TBC1D1: variants seen among roughly 807,000 people sequenced by gnomAD.
TBC1D1 encodes TBC1 (tre-2/USP6, BUB2, cdc16) domain family, member 1.
In TBC1D1, 89 loss-of-function variants were observed where a neutral mutation model predicts 125.6. The ratio of observed to expected loss-of-function variants is 0.71; its 90% CI spans 0.60 to 0.85. The LOEUF (loss-of-function observed/expected upper bound fraction) is 0.85, where lower values mean the gene tolerates loss of function less well. Ranked by LOEUF, TBC1D1 falls within the 40% of genes least tolerant of loss-of-function variation. The pLI, the probability that TBC1D1 is intolerant of heterozygous loss-of-function variation, is 0.00. For synonymous variants in TBC1D1, 565 were observed against 564.1 expected (o/e 1.00, Z -0.02); for missense variants, 1,377 against 1,469.2 (o/e 0.94, Z 1.03).
intron 6 of TBC1D1, among the ~76,000 whole-genome samples, chr4:38,024,760 T>G (rs1340471741): frequency 6.6e-6 from 1 of 152,230 alleles, no homozygotes; most frequent in Non-Finnish European, 1.5e-5. Flanking sequence ...TAAAACTCAT[T>G]GTATGTTGGT....
chr4:37,919,344 T>G lies in TBC1D1; in HGVS notation c.417+16832T>G, dbSNP rs546992624. On this transcript the variant is annotated intron_variant, in intron 2 of 19. Coordinates refer to ENST00000261439, the MANE Select transcript of TBC1D1 (RefSeq NM_015173.4). ...ATGCCTAGCTGGTTTGTTTTTGTTTTTTTTTTTTTTTGGTATTTTTAATAT... is the reference window on the plus strand; with the variant it reads ...ATGCCTAGCTGGTTTGTTTTTGTTTGTTTTTTTTTTTGGTATTTTTAATAT... Among the ~76,000 whole-genome samples the G allele has an allele frequency of 5.3e-5, 8 of 151,414 alleles. No homozygotes were observed. The East Asian group carries it at 1.6e-3, about 29-fold the overall frequency.
intron 2 of TBC1D1, among the ~76,000 whole-genome samples, chr4:37,985,294 T>G (rs540881242): frequency 6.6e-5 from 10 of 152,338 alleles, no homozygotes; most frequent in Admixed American, 2.6e-4. Context: ...AGTATCTGGT[T>G]TTTCCATTTT....
chr4:37,925,317 C>T (rs1408646532), intron 2 of TBC1D1, among the ~76,000 whole-genome samples: 1 of 152,170 alleles, frequency 6.6e-6, no homozygotes, highest in African/African-American at 2.4e-5. Context: ...AAGCCAGTGA[C>T]CAATTTTACC....
chr4:37,913,621 A>ATG (rs1334829160), intron 2 of TBC1D1, among the ~76,000 whole-genome samples: 7 of 150,144 alleles, frequency 4.7e-5, no homozygotes, highest in African/African-American at 1.5e-4. Flanking sequence ...ATATATATAT[A>ATG]TGTGTGTATA....
At chr4:37,993,646 A>G (rs1029998870) in intron 2 of TBC1D1, among the ~76,000 whole-genome samples, 15 of 152,110 alleles carry the variant, frequency 9.9e-5, no homozygotes, top group African/African-American at 2.4e-4. Flanking sequence ...CAGTGGCGCA[A>G]TCTCAACTCA....
intron 19 of TBC1D1, among the ~76,000 whole-genome samples, 169 bp downstream of exon 21, chr4:38,133,426 A>G (rs1274338348): frequency 1.3e-5 from 2 of 152,182 alleles, no homozygotes; most frequent in African/African-American, 4.8e-5. Context: ...CCTTTTTATT[A>G]TGGAGCAGAC....
chr4:37,981,453 G>A (rs745978150), intron 2 of TBC1D1, among the ~76,000 whole-genome samples: 1 of 152,146 alleles, frequency 6.6e-6, no homozygotes, highest in African/African-American at 2.4e-5. Context: ...TTTAGCAACC[G>A]ACAAGCAGAC....
intron 12 of TBC1D1, among the ~76,000 whole-genome samples, chr4:38,079,292 A>G (rs1464111079): frequency 6.6e-6 from 1 of 152,192 alleles, no homozygotes; most frequent in Non-Finnish European, 1.5e-5. Flanking sequence ...TTATTGCTGT[A>G]ATAGTGTAGG....
intron 2 of TBC1D1, among the ~76,000 whole-genome samples, chr4:37,968,722 C>A (rs150067466): frequency 6.6e-6 from 1 of 152,080 alleles, no homozygotes; most frequent in Non-Finnish European, 1.5e-5. Context: ...ATCTTGAATC[C>A]GGCATGATTT....
chr4:38,070,174 A>G (rs1009280383), intron 12 of TBC1D1, among the ~76,000 whole-genome samples: 9 of 152,244 alleles, frequency 5.9e-5, no homozygotes, highest in African/African-American at 2.2e-4. Context: ...ATCTAAAAGT[A>G]GGTGAAATTG....
At position 38,137,201 on chromosome 4, in the gene TBC1D1, C is replaced by A; in HGVS notation, c.3373C>A (p.Leu1125Met). 6.2e-7 allele frequency: 1 copy of A among 1,613,176 alleles called. No homozygotes were observed. ...GAAGCTCCTGAGCAGTGAGAGCAAGCTGAAGCAGGCCATGCTTACCTTAGA... is the reference window on the plus strand; with the variant it reads ...GAAGCTCCTGAGCAGTGAGAGCAAGATGAAGCAGGCCATGCTTACCTTAGA... The change falls in exon 20 of 20, where the codon CTG becomes ATG. Residue 1125 changes from leucine (L) to methionine (M), a missense_variant. Physicochemically the swap from Leu to Met is conservative, Grantham distance 15. This residue lies in a region of TBC1D1 where 543 missense variants were observed against 613.5 expected (regional missense o/e 0.89). Transcript: ENST00000261439.
chr4:37,982,913 C>T (rs1193430335), intron 2 of TBC1D1, among the ~76,000 whole-genome samples: 1 of 152,116 alleles, frequency 6.6e-6, no homozygotes, highest in Non-Finnish European at 1.5e-5. Flanking sequence ...CAGGTTGTGC[C>T]AGGCAGTTAG....
chr4:37,899,826 A>G (rs1038881961), intron 1 of TBC1D1, among the ~76,000 whole-genome samples: 3 of 152,252 alleles, frequency 2.0e-5, no homozygotes, highest in Non-Finnish European at 4.4e-5. Context: ...AAGAGATTCA[A>G]GAAGGAAGGT....
At chr4:37,981,088 A>G (rs550180314) in intron 2 of TBC1D1, among the ~76,000 whole-genome samples, 7 of 152,146 alleles carry the variant, frequency 4.6e-5, no homozygotes, top group African/African-American at 1.7e-4. Flanking sequence ...GACTACAGGC[A>G]TACACCACCA....
chr4:38,114,107 C>T (rs1464359747), intron 15 of TBC1D1, among the ~76,000 whole-genome samples: 1 of 152,120 alleles, frequency 6.6e-6, no homozygotes, highest in African/African-American at 2.4e-5. Flanking sequence ...GGAGCCCCTG[C>T]TTCTGGTGCC....
chr4:38,075,164 T>G (rs1755373309), intron 12 of TBC1D1, among the ~76,000 whole-genome samples: 1 of 152,232 alleles, frequency 6.6e-6, no homozygotes, highest in African/African-American at 2.4e-5. Context: ...CAAAAACAGT[T>G]TTCAAGGAGC....
intron 2 of TBC1D1, among the ~76,000 whole-genome samples, chr4:37,964,629 A>G (rs554559992): frequency 6.6e-6 from 1 of 152,324 alleles, no homozygotes; most frequent in Admixed American, 6.5e-5. Flanking sequence ...GTCCCAGCGT[A>G]GCCTGGATGG....
intron 2 of TBC1D1, among the ~76,000 whole-genome samples, chr4:37,933,433 TACACACACACAC>T (rs3038289): frequency 4.1e-4 from 60 of 147,362 alleles, no homozygotes; most frequent in East Asian, 8.0e-4. Flanking sequence ...ACATATGTTT[TACACACACACAC>T]ACACACACAC....
At chr4:38,006,811 C>A in intron 2 of TBC1D1, 2 of 513,896 alleles carry the variant, frequency 3.9e-6, no homozygotes, top group Non-Finnish European at 3.9e-6. Flanking sequence ...CTCTTTTCCC[C>A]TCTCCTTTCT....
Sources: gnomAD v4.1 joint callset for allele counts (sites outside exome capture counted in the v4.1 genomes callset) on GRCh38, gnomAD v4.1.1 for gene constraint, gnomAD v4.1.1 regional missense constraint, MANE v1.5 for transcripts, NCBI Gene and HGNC (gene_info 2026-07-23, HGNC 2026-07-21) for gene names.